The following GRIN2B variants were observed in gnomAD, a reference collection of about 807,000 sequenced individuals.
GRIN2B encodes glutamate ionotropic receptor NMDA type subunit 2B, also known as glutamate receptor ionotropic, NMDA 2B.
In GRIN2B, 5 loss-of-function variants were observed where a neutral mutation model predicts 114.5. The ratio of observed to expected loss-of-function variants is 0.04; its 90% CI spans 0.02 to 0.09. The LOEUF (loss-of-function observed/expected upper bound fraction) is 0.09, where lower values mean the gene tolerates loss of function less well. Ranked by LOEUF, GRIN2B falls within the 10% of genes least tolerant of loss-of-function variation. The probability of loss-of-function intolerance (pLI) is 1.00; values close to 1 mark genes in which losing one functional copy is unlikely to be tolerated. For missense variants in GRIN2B, 1,108 were observed against 1,943.5 expected (o/e 0.57, Z 8.08); for synonymous variants, 787 against 745.1 (o/e 1.06, Z -0.92).
At position 13,783,892 on chromosome 12, in the gene GRIN2B, G is replaced by A. The variant is rs569478796; in HGVS notation, c.412-29977C>T. ...TGTTTTCAGAATTTGCACCTTAGCA[G>A]GTCAGGGAAAGGCAAAATTGAATGT... On this transcript the variant is annotated intron_variant, in intron 3 of 13. Coordinates refer to ENST00000609686, the MANE Select transcript of GRIN2B (RefSeq NM_000834.5). 9.2e-5 allele frequency among the ~76,000 whole-genome samples: 14 copies of A among 152,152 alleles called. No homozygotes were observed. The East Asian group carries it at 1.6e-3, about 17-fold the overall frequency.
intron 2 of GRIN2B, among the ~76,000 whole-genome samples, chr12:13,869,917 T>C (rs1865880471): frequency 1.3e-5 from 2 of 152,198 alleles, no homozygotes; most frequent in African/African-American, 4.8e-5. Flanking sequence ...AAGATTTTTG[T>C]GAAGATCAAA....
At chr12:13,681,491 C>G (rs960231798) in intron 4 of GRIN2B, among the ~76,000 whole-genome samples, 1 of 152,010 alleles carries the variant, frequency 6.6e-6, no homozygotes, top group South Asian at 2.1e-4. Flanking sequence ...AAATTCTTGA[C>G]CCCCTCTTTT....
At chr12:13,858,591 T>G (rs1489423369) in intron 3 of GRIN2B, among the ~76,000 whole-genome samples, 2 of 152,192 alleles carry the variant, frequency 1.3e-5, no homozygotes, top group Non-Finnish European at 2.9e-5. Flanking sequence ...TTTAGTAAAT[T>G]TATGTTTTCT....
At chr12:13,626,495 A>G (rs1949568144) in intron 5 of GRIN2B, among the ~76,000 whole-genome samples, 1 of 152,128 alleles carries the variant, frequency 6.6e-6, no homozygotes, top group Non-Finnish European at 1.5e-5. Context: ...AAAAGTGTGT[A>G]ATGTTGGACA....
intron 4 of GRIN2B, among the ~76,000 whole-genome samples, chr12:13,740,143 A>T (rs1432319645): frequency 9.9e-5 from 15 of 152,216 alleles, no homozygotes; most frequent in Admixed American, 9.8e-4. Context: ...GCCTTGGATC[A>T]GAGGTACCAG....
chr12:13,956,515 T>G lies in GRIN2B; in HGVS notation c.-19+23413A>C, dbSNP rs563435970. 1.7e-3 allele frequency among the ~76,000 whole-genome samples: 260 copies of G among 152,272 alleles called. 2 individuals are homozygous for G. Among genetic ancestry groups the G allele is most frequent in the African/African-American group, 5.8e-3 (243 of 41,562 alleles). Reference sequence around the variant, plus strand: ...CTGCCCTGAATTCTCCTACCCTCATTCTGTTCTATAAGCCTCTGTGTGAAA... The same window carrying G: ...CTGCCCTGAATTCTCCTACCCTCATGCTGTTCTATAAGCCTCTGTGTGAAA... On this transcript the variant is annotated intron_variant, in intron 2 of 13. Transcript: ENST00000609686.
At chr12:13,622,881 T>G (rs1050973501) in intron 5 of GRIN2B, among the ~76,000 whole-genome samples, 2 of 152,228 alleles carry the variant, frequency 1.3e-5, no homozygotes, top group Non-Finnish European at 2.9e-5. Flanking sequence ...GTCCCACCTC[T>G]CAACAACGTT....
At chr12:13,588,786 A>G (rs1412536931) in intron 10 of GRIN2B, among the ~76,000 whole-genome samples, 1 of 152,196 alleles carries the variant, frequency 6.6e-6, no homozygotes, top group Non-Finnish European at 1.5e-5. Flanking sequence ...GTTATACACC[A>G]GTAGGAGGGC....
At chr12:13,893,700 A>T (rs769899157) in intron 2 of GRIN2B, among the ~76,000 whole-genome samples, 5 of 152,278 alleles carry the variant, frequency 3.3e-5, no homozygotes, top group Non-Finnish European at 5.9e-5. Context: ...TATTCCACAG[A>T]TATTTGAAAG....
At chr12:13,646,887 A>C (rs1385532150) in intron 5 of GRIN2B, among the ~76,000 whole-genome samples, 3 of 152,086 alleles carry the variant, frequency 2.0e-5, no homozygotes, top group Non-Finnish European at 2.9e-5. Flanking sequence ...TGAGGAAGTA[A>C]ACAGCCATTT....
intron 5 of GRIN2B, among the ~76,000 whole-genome samples, chr12:13,629,314 A>G (rs1196277979): frequency 6.6e-6 from 1 of 152,222 alleles, no homozygotes; most frequent in African/African-American, 2.4e-5. Flanking sequence ...ATCCAAGGTC[A>G]TTGCATCTCT....
At chr12:13,884,742 C>G (rs1866126994) in intron 2 of GRIN2B, among the ~76,000 whole-genome samples, 1 of 152,158 alleles carries the variant, frequency 6.6e-6, no homozygotes, top group Admixed American at 6.5e-5. Flanking sequence ...GTTTTCATAC[C>G]TTTGTCAAGC....
chr12:13,644,426 T>C (rs369596810), intron 5 of GRIN2B, among the ~76,000 whole-genome samples: 14 of 152,282 alleles, frequency 9.2e-5, no homozygotes, highest in African/African-American at 3.4e-4. Context: ...GGCCCTGTTT[T>C]TCCATTGATA....
chr12:13,880,911 A>G (rs1866061617), intron 2 of GRIN2B, among the ~76,000 whole-genome samples: 2 of 152,068 alleles, frequency 1.3e-5, no homozygotes, highest in South Asian at 4.1e-4. Context: ...TCCACAGCCT[A>G]TTTGAGACCT....
intron 3 of GRIN2B, among the ~76,000 whole-genome samples, chr12:13,862,727 T>C (rs1865769881): frequency 6.6e-6 from 1 of 152,192 alleles, no homozygotes; most frequent in Non-Finnish European, 1.5e-5. Flanking sequence ...CTTTGAAATT[T>C]GTCCCAAAGG....
intron 4 of GRIN2B, among the ~76,000 whole-genome samples, chr12:13,714,830 T>G (rs1950441872): frequency 6.6e-6 from 1 of 151,948 alleles, no homozygotes. Context: ...TTTTAGGGTA[T>G]CTATCGCCTG....
chr12:13,730,079 C>A (rs1443009433), intron 4 of GRIN2B, among the ~76,000 whole-genome samples: 1 of 150,994 alleles, frequency 6.6e-6, no homozygotes, highest in East Asian at 1.9e-4. Context: ...TTCCTCCTAT[C>A]GTGAAGCATC....
In GRIN2B at chr12:13,560,060, T is replaced by G. The variant is rs941506875; in HGVS notation, c.*2723A>C. On this transcript the variant is annotated 3_prime_UTR_variant, in exon 14 of 14. Coordinates refer to ENST00000609686, the MANE Select transcript of GRIN2B (RefSeq NM_000834.5). ...CTAGGGTCTACCTAGAAGATAGGAG[T>G]CAGACCTGGGGTTTGCTTAGAGCCA... The G allele has an allele frequency of 3.3e-5, 5 of 152,012 alleles. No individual in the cohort carries two copies. Among genetic ancestry groups the G allele is most frequent in the African/African-American group, 1.2e-4 (5 of 41,348 alleles). 9.4% of individuals were successfully genotyped at this position (152,012 alleles called of 1,614,324 possible).
chr12:13,835,770 TTA>T (rs1491351782), intron 3 of GRIN2B, among the ~76,000 whole-genome samples: 2 of 63,864 alleles, frequency 3.1e-5, no homozygotes, highest in Admixed American at 1.9e-4. Flanking sequence ...ACATAGCACA[TTA>T]AAAAAAAAAA....
Sources: allele counts gnomAD v4.1 joint callset (sites outside exome capture counted in the v4.1 genomes callset), GRCh38; gene constraint gnomAD v4.1.1; transcripts MANE v1.5; gene names NCBI Gene and HGNC (gene_info 2026-07-23, HGNC 2026-07-21).